EPHA3: variants seen among roughly 807,000 people sequenced by gnomAD.
EPHA3 encodes EPH receptor A3.
Under a neutral mutation model 107.1 loss-of-function variants are expected in EPHA3, and 42 were observed. The observed-to-expected ratio is 0.39, with a 90% CI of 0.31 to 0.51. The LOEUF (loss-of-function observed/expected upper bound fraction) is 0.51. Ranked by LOEUF, EPHA3 falls within the 20% of genes least tolerant of loss-of-function variation. The pLI, the probability that EPHA3 is intolerant of heterozygous loss-of-function variation, is 0.78. For synonymous variants in EPHA3, 461 were observed against 424.8 expected (o/e 1.09, Z -1.05); for missense variants, 1,183 against 1,211.2 (o/e 0.98, Z 0.35).
At chr3:89,285,238 T>C (rs1394910696) in intron 3 of EPHA3, among the ~76,000 whole-genome samples, 3 of 152,232 alleles carry the variant, frequency 2.0e-5, no homozygotes, top group African/African-American at 7.2e-5. Context: ...GCCTCAAGTG[T>C]CTAATGATCC....
At chr3:89,165,266 G>C (rs1705037224) in intron 2 of EPHA3, among the ~76,000 whole-genome samples, 1 of 152,108 alleles carries the variant, frequency 6.6e-6, no homozygotes, top group Non-Finnish European at 1.5e-5. Context: ...AAGACAAATT[G>C]CCAATGCTTA....
At position 89,366,341 on chromosome 3, in the gene EPHA3, G is replaced by A. The variant is rs1241866658; in HGVS notation, c.1306+24251G>A. ...GGGGAGTTGTAGCTCACTCAAACATGAGAATAATTTAAACACATGTGGAAG... is the reference window on the plus strand; with the variant it reads ...GGGGAGTTGTAGCTCACTCAAACATAAGAATAATTTAAACACATGTGGAAG... On this transcript the variant is annotated intron_variant, in intron 5 of 16. Transcript: ENST00000336596. Among the ~76,000 whole-genome samples the A allele has an allele frequency of 1.5e-4, 22 of 150,476 alleles. 2 individuals carry two copies. Among genetic ancestry groups the A allele is most frequent in the Admixed American group, 1.2e-3 (18 of 14,992 alleles).
At chr3:89,440,399 C>T (rs1159313568) in intron 13 of EPHA3, among the ~76,000 whole-genome samples, 1 of 152,124 alleles carries the variant, frequency 6.6e-6, no homozygotes, top group African/African-American at 2.4e-5. Flanking sequence ...CAAACCTTTC[C>T]TAAATTGGCA....
rs187996378 is a variant in EPHA3 at position 89,160,620 on chromosome 3, T to A, written c.153+33347T>A. Among the ~76,000 whole-genome samples, 673 of 151,554 alleles carry A rather than the reference T, an allele frequency of 4.4e-3. 3 individuals carry two copies. The highest frequency in any genetic ancestry group is 0.015 in the African/African-American group (634 of 41,334). On this transcript the variant is annotated intron_variant, in intron 2 of 16. Coordinates refer to ENST00000336596, the MANE Select transcript of EPHA3 (RefSeq NM_005233.6). Reference sequence around the variant, plus strand: ...CATTCTTTTTCTGTGTGTATTTCTTTCACCAAAGTTTGGATCATGTTGTAC... The same window carrying A: ...CATTCTTTTTCTGTGTGTATTTCTTACACCAAAGTTTGGATCATGTTGTAC...
At chr3:89,173,601 A>G (rs186428205) in intron 2 of EPHA3, among the ~76,000 whole-genome samples, 2 of 152,216 alleles carry the variant, frequency 1.3e-5, no homozygotes, top group Admixed American at 1.3e-4. Flanking sequence ...CAATAATTCT[A>G]AAAGTAGATT....
At chr3:89,184,004 T>C (rs566009758) in intron 2 of EPHA3, among the ~76,000 whole-genome samples, 1 of 151,988 alleles carries the variant, frequency 6.6e-6, no homozygotes, top group Non-Finnish European at 1.5e-5. Context: ...TTATGAACAG[T>C]ATTTTGTGTT....
chr3:89,277,479 C>T (rs981681463), intron 3 of EPHA3, among the ~76,000 whole-genome samples: 3 of 151,998 alleles, frequency 2.0e-5, no homozygotes, highest in African/African-American at 7.2e-5. Flanking sequence ...AAATCTTCTC[C>T]ACAAAACTTT....
At chr3:89,390,432 C>T (rs1237153306) in intron 5 of EPHA3, among the ~76,000 whole-genome samples, 5 of 151,980 alleles carry the variant, frequency 3.3e-5, no homozygotes, top group Non-Finnish European at 7.4e-5. Context: ...AACCCCATCT[C>T]TACCAAAAAT....
chr3:89,375,775 C>G (rs1324503822), intron 5 of EPHA3, among the ~76,000 whole-genome samples: 1 of 151,864 alleles, frequency 6.6e-6, no homozygotes, highest in Non-Finnish European at 1.5e-5. Context: ...TGTACAGACA[C>G]AAACAAAATA....
Position 89,202,528 on chromosome 3 carries a change from AAAAAAAATAT to A in EPHA3, c.154-7330_154-7321del, listed in dbSNP as rs1234434695. ...GAGACTCTGTCTCAAAAAAAAAAAA[AAAAAAAATAT>A]ATATATATATATATATATATATGAA... is the stretch of plus-strand genomic sequence containing the variant. On this transcript the variant is annotated intron_variant, in intron 2 of 16. Coordinates refer to ENST00000336596, the MANE Select transcript of EPHA3 (RefSeq NM_005233.6). Among the ~76,000 whole-genome samples the A allele has an allele frequency of 8.1e-3, 275 of 34,028 alleles. 1 individual carries two copies. Among genetic ancestry groups the A allele is most frequent in the South Asian group, 0.072 (57 of 796 alleles). The allele number at this position is 34,028 out of a possible 152,430, so 22.3% of individuals were successfully genotyped here. A position where few individuals can be genotyped will look rare whatever the true frequency, so the allele number is the denominator to read the frequency against.
intron 3 of EPHA3, among the ~76,000 whole-genome samples, chr3:89,262,092 AACT>A (rs952837569): frequency 1.3e-5 from 2 of 152,124 alleles, no homozygotes; most frequent in African/African-American, 4.8e-5. Flanking sequence ...ATAATATTAT[AACT>A]ACTATCAAAA....
intron 16 of EPHA3, among the ~76,000 whole-genome samples, chr3:89,473,747 T>A (rs1389527183): frequency 4.6e-5 from 7 of 152,208 alleles, no homozygotes; most frequent in Admixed American, 6.5e-5. Flanking sequence ...ATATGTTTAC[T>A]AGTATCTAGT....
intron 7 of EPHA3, among the ~76,000 whole-genome samples, chr3:89,403,297 A>G (rs527437505): frequency 6.6e-6 from 1 of 152,304 alleles, no homozygotes; most frequent in Admixed American, 6.5e-5. Flanking sequence ...TCTACATGAC[A>G]GTATATAAAG....
At chr3:89,182,853 A>G (rs1705475044) in intron 2 of EPHA3, among the ~76,000 whole-genome samples, 1 of 151,940 alleles carries the variant, frequency 6.6e-6, no homozygotes, top group South Asian at 2.1e-4. Context: ...TAAGTAATAT[A>G]AAAATCTATT....
intron 5 of EPHA3, among the ~76,000 whole-genome samples, chr3:89,367,042 A>T (rs1310288784): frequency 6.6e-6 from 1 of 150,566 alleles, no homozygotes; most frequent in Non-Finnish European, 1.5e-5. Flanking sequence ...TGATTATTAC[A>T]GTAGCCACTA....
intron 3 of EPHA3, among the ~76,000 whole-genome samples, chr3:89,322,656 G>C (rs1187236676): frequency 6.6e-6 from 1 of 152,086 alleles, no homozygotes; most frequent in East Asian, 1.9e-4. Flanking sequence ...AGTATTGGGA[G>C]TGGGAAGAGT....
rs181719291 is a variant in EPHA3, at chr3:89,188,525, A to T, written c.154-21335A>T. Among the ~76,000 whole-genome samples, 511 of 152,284 alleles carry T rather than the reference A, an allele frequency of 3.4e-3. 2 individuals carry two copies. Among genetic ancestry groups the T allele is most frequent in the Middle Eastern group, 0.021 (6 of 292 alleles). On this transcript the variant is annotated intron_variant, in intron 2 of 16. Transcript: ENST00000336596. ...TAATAAATGAAAAATTCTAGAACTCATTCTTCAAACTCCTTCTATTCTCTG... is the reference window on the plus strand; with the variant it reads ...TAATAAATGAAAAATTCTAGAACTCTTTCTTCAAACTCCTTCTATTCTCTG...
chr3:89,127,329 G>A, intron 2 of EPHA3, 56 bp downstream of exon 2: 2 of 1,346,160 alleles, frequency 1.5e-6, no homozygotes, highest in Middle Eastern at 1.8e-4. Context: ...GTCTTAGGGA[G>A]CAGATGAATT....
intron 3 of EPHA3, among the ~76,000 whole-genome samples, chr3:89,304,439 A>T (rs1170704215): frequency 2.0e-5 from 3 of 151,494 alleles, no homozygotes; most frequent in Non-Finnish European, 4.4e-5. Context: ...GACTTTTGAG[A>T]CTCGTTACTC....
Sources: gnomAD v4.1 joint callset for allele counts (sites outside exome capture counted in the v4.1 genomes callset) on GRCh38, gnomAD v4.1.1 for gene constraint, MANE v1.5 for transcripts, NCBI Gene and HGNC (gene_info 2026-07-23, HGNC 2026-07-21) for gene names.